The following DOCK5 variants were observed in gnomAD, a reference collection of about 807,000 sequenced individuals.
DOCK5 encodes the protein dedicator of cytokinesis 5.
A neutral mutation model predicts 251.8 loss-of-function variants in DOCK5; 142 were observed. The ratio of observed to expected loss-of-function variants is 0.56; its 90% CI spans 0.49 to 0.65. The LOEUF is 0.65. DOCK5 is among the 30% of genes least tolerant of loss of function. The pLI is 0.00. For synonymous variants in DOCK5, 842 were observed against 835.5 expected, an observed-to-expected ratio of 1.01 and a Z score of -0.13; for missense variants, 2,111 against 2,312.3, an observed-to-expected ratio of 0.91 and a Z score of 1.79.
intron 35 of DOCK5, 76 bp from the exon 36 acceptor site, chr8:25,373,542 A>G (rs1800911719): frequency 1.5e-6 from 2 of 1,376,518 alleles, no homozygotes; most frequent in Admixed American, 2.2e-5. Context: ...AAAAGCAACA[A>G]TAGTGGTTTG....
At chr8:25,248,093 A>G (rs1803165255) in intron 2 of DOCK5, among the ~76,000 whole-genome samples, 1 of 152,226 alleles carries the variant, frequency 6.6e-6, no homozygotes, top group Non-Finnish European at 1.5e-5. Context: ...TGAGTTCATT[A>G]ACCACCAAGG....
intron 11 of DOCK5, among the ~76,000 whole-genome samples, chr8:25,308,186 C>T (rs1290235344): frequency 1.3e-5 from 2 of 152,150 alleles, no homozygotes; most frequent in East Asian, 3.8e-4. Flanking sequence ...TTACAAGCCG[C>T]AGCCTGATAA....
chr8:25,329,229 G>A (rs951026460), intron 18 of DOCK5, among the ~76,000 whole-genome samples: 2 of 151,998 alleles, frequency 1.3e-5, no homozygotes, highest in African/African-American at 4.8e-5. Flanking sequence ...TAGCCCTTAA[G>A]GTATATTGTT....
intron 39 of DOCK5, among the ~76,000 whole-genome samples, chr8:25,381,733 GAT>G (rs1322161421): frequency 6.6e-6 from 1 of 152,126 alleles, no homozygotes; most frequent in Non-Finnish European, 1.5e-5. Context: ...CCATCACCTA[GAT>G]AGAAGAGTAA....
intron 1 of DOCK5, among the ~76,000 whole-genome samples, chr8:25,239,972 T>A (rs1802902639): frequency 6.6e-6 from 1 of 152,078 alleles, no homozygotes; most frequent in Non-Finnish European, 1.5e-5. Context: ...AGGTTGACTG[T>A]GATGTAAGCC....
chr8:25,196,853 T>C (rs1436525585), intron 1 of DOCK5, among the ~76,000 whole-genome samples: 1 of 152,208 alleles, frequency 6.6e-6, no homozygotes, highest in African/African-American at 2.4e-5. Flanking sequence ...GAATGAGTTG[T>C]AGCGGAATTG....
At chr8:25,364,600 C>T in intron 29 of DOCK5, 26 bp from the exon 30 acceptor site, 1 of 1,557,326 alleles carries the variant, frequency 6.4e-7, no homozygotes, top group Non-Finnish European at 8.8e-7. Context: ...CAGTTGGCTT[C>T]TTTATCTGGT....
At chr8:25,306,437 A>T (rs956418594) in intron 11 of DOCK5, among the ~76,000 whole-genome samples, 123 of 152,246 alleles carry the variant, frequency 8.1e-4, no homozygotes, top group Admixed American at 5.5e-3. Context: ...CCGGGCGCAT[A>T]GGCTTACGCC....
intron 1 of DOCK5, among the ~76,000 whole-genome samples, chr8:25,191,165 T>C (rs1801573591): frequency 6.6e-6 from 1 of 151,604 alleles, no homozygotes; most frequent in South Asian, 2.1e-4. Context: ...ACGTTCAGAA[T>C]GGGGGGGGTC....
intron 2 of DOCK5, among the ~76,000 whole-genome samples, chr8:25,257,586 C>T (rs1040739076): frequency 1.3e-5 from 2 of 152,150 alleles, no homozygotes; most frequent in Admixed American, 6.6e-5. Flanking sequence ...GTCTGTATTG[C>T]GGTGAGCTCT....
At chr8:25,267,855 C>T (rs552354972) in intron 2 of DOCK5, among the ~76,000 whole-genome samples, 2 of 151,624 alleles carry the variant, frequency 1.3e-5, no homozygotes, top group African/African-American at 4.9e-5. Context: ...GGGGTGTGTA[C>T]CTTTATTGGA....
At chr8:25,298,638 T>A (rs1043642064) in intron 7 of DOCK5, among the ~76,000 whole-genome samples, 22 of 152,218 alleles carry the variant, frequency 1.4e-4, no homozygotes, top group African/African-American at 5.1e-4. Context: ...TCTCACTTTG[T>A]TGCCCAGGCT....
chr8:25,403,713 G>C lies in DOCK5; in HGVS notation c.5082G>C (p.Pro1694=). The C allele has an allele frequency of 6.2e-7, 1 of 1,613,772 alleles. No individual in the cohort carries two copies. Among genetic ancestry groups the C allele is most frequent in the Non-Finnish European group, 8.5e-7 (1 of 1,179,774 alleles). The part of the protein sequence containing the change: ...SNSSDNAPSR[P]GSDGSILEPL... The stretch of plus-strand genomic sequence containing the variant: ...CGTCTGACAATGCTCCTTCCAGACC[G>C]GGATCTGATGGGTAAGGGTTTCATC... The change falls in exon 48 of 52, where the codon CCG becomes CCC. Residue 1694 remains proline, a synonymous_variant. Transcript: ENST00000276440.
chr8:25,266,980 T>C (rs1041143059), intron 2 of DOCK5, among the ~76,000 whole-genome samples: 4 of 152,200 alleles, frequency 2.6e-5, no homozygotes, highest in Non-Finnish European at 5.9e-5. Context: ...ACAGCTTGGC[T>C]TTATAGGGCA....
Position 25,411,425 on chromosome 8 carries a change from C to T in DOCK5, c.*127C>T. 2.4e-6 allele frequency: 3 copies of T among 1,262,316 alleles called. No homozygotes were observed. Among genetic ancestry groups the T allele is most frequent in the Non-Finnish European group, 3.0e-6 (3 of 984,294 alleles). 78.2% of individuals were successfully genotyped at this position (1,262,316 alleles called of 1,614,324 possible). ...ATTTCCTGATCTGGGATGATGTTTACCAGCCCAAAACCAGTCATGTTCTTC... is the reference window on the plus strand; with the variant it reads ...ATTTCCTGATCTGGGATGATGTTTATCAGCCCAAAACCAGTCATGTTCTTC... On this transcript the variant is annotated 3_prime_UTR_variant, in exon 52 of 52. Transcript: ENST00000276440.
intron 5 of DOCK5, among the ~76,000 whole-genome samples, chr8:25,285,519 A>G (rs189610973): frequency 2.0e-4 from 30 of 152,330 alleles, no homozygotes; most frequent in Non-Finnish European, 3.8e-4. Flanking sequence ...TTTGCCAGCA[A>G]TAAAGAACCC....
chr8:25,395,531 T>G lies in DOCK5; in HGVS notation c.4528-12T>G, dbSNP rs1225855005. ...CAAGTGTCCTCTTTCTCCCATGTGCTCTGTCACTCAGGAAGAGATCAGTCC... is the reference window on the plus strand; with the variant it reads ...CAAGTGTCCTCTTTCTCCCATGTGCGCTGTCACTCAGGAAGAGATCAGTCC... On this transcript the variant is annotated splice_polypyrimidine_tract_variant and intron_variant, in intron 44 of 51. Coordinates refer to ENST00000276440, the MANE Select transcript of DOCK5 (RefSeq NM_024940.8). 1.2e-6 allele frequency: 2 copies of G among 1,601,732 alleles called. No individual in the cohort carries two copies. Among genetic ancestry groups the G allele is most frequent in the African/African-American group, 2.7e-5 (2 of 73,852 alleles).
At position 25,275,448 on chromosome 8, in the gene DOCK5, T is replaced by G; in HGVS notation, c.224+7T>G. 1.2e-6 allele frequency: 2 copies of G among 1,606,600 alleles called. No homozygotes were observed. The highest frequency in any genetic ancestry group is 1.7e-6 in the Non-Finnish European group (2 of 1,177,340). Reference sequence around the variant, plus strand: ...CAACTGTGGAAGACCTGGGGTAAGTTCCAAGCTAGGAAGATTCCCCAAAAA... The same window carrying G: ...CAACTGTGGAAGACCTGGGGTAAGTGCCAAGCTAGGAAGATTCCCCAAAAA... On this transcript the variant is annotated splice_region_variant and intron_variant, in intron 4 of 51. Coordinates refer to ENST00000276440, the MANE Select transcript of DOCK5 (RefSeq NM_024940.8).
At chr8:25,350,749 A>G (rs933328376) in intron 26 of DOCK5, among the ~76,000 whole-genome samples, 5 of 152,124 alleles carry the variant, frequency 3.3e-5, no homozygotes, top group Admixed American at 6.5e-5. Flanking sequence ...CCTGGTGGAG[A>G]GAGAGATCCA....
Sources: allele counts gnomAD v4.1 joint callset (sites outside exome capture counted in the v4.1 genomes callset), GRCh38; gene constraint gnomAD v4.1.1; transcripts MANE v1.5; gene names NCBI Gene and HGNC (gene_info 2026-07-23, HGNC 2026-07-21).